NARF: variants seen among roughly 807,000 people sequenced by gnomAD.
The protein encoded by NARF is iron-only hydrogenase-like protein 2.
In NARF, 41 loss-of-function variants were observed where a neutral mutation model predicts 48.0. The observed-to-expected ratio is 0.85, with a 90% CI of 0.66 to 1.11. The LOEUF (loss-of-function observed/expected upper bound fraction) is 1.11. Ranked by LOEUF, NARF falls within the 50% of genes least tolerant of loss-of-function variation. NARF has a pLI of 0.00. For synonymous variants in NARF, 215 were observed against 225.5 expected (o/e 0.95, Z 0.42); for missense variants, 613 against 590.2 (o/e 1.04, Z -0.40).
intron 4 of NARF, among the ~76,000 whole-genome samples, chr17:82,469,532 G>A (rs75334929): frequency 0.015 from 2,262 of 152,202 alleles, 65 homozygotes; most frequent in African/African-American, 0.052. Context: ...ATAGCATGAT[G>A]GTCAGTGTGC....
At chr17:82,481,765 A>T (rs2043970504) in intron 7 of NARF, 3 of 432,928 alleles carry the variant, frequency 6.9e-6, no homozygotes, top group Non-Finnish European at 1.4e-5. Flanking sequence ...AGGTCCTGGG[A>T]GAACCACTTG....
intron 1 of NARF, chr17:82,459,220 C>G: frequency 6.9e-6 from 7 of 1,018,842 alleles, no homozygotes; most frequent in Non-Finnish European, 8.2e-6. Flanking sequence ...GCAGCCGGTG[C>G]AGGGGCGGAA....
upstream of NARF, chr17:82,458,531 C>T: frequency 2.5e-6 from 1 of 404,678 alleles, no homozygotes; most frequent in Non-Finnish European, 4.3e-6. Flanking sequence ...AGCCTGCGGT[C>T]CGCCCCGCGC....
At chr17:82,482,524 A>G (rs1304947411) in intron 7 of NARF, 2 of 133,386 alleles carry the variant, frequency 1.5e-5, no homozygotes, top group South Asian at 1.8e-4. Flanking sequence ...GTTTCCAGCC[A>G]TCTCACAGCA....
intron 2 of NARF, chr17:82,463,897 A>G (rs1045264644): frequency 2.3e-5 from 4 of 172,090 alleles, no homozygotes; most frequent in African/African-American, 4.8e-5. Context: ...GAGGGGGCAC[A>G]GAGCTAGAGG....
intron 10 of NARF, among the ~76,000 whole-genome samples, chr17:82,486,710 G>A (rs185862460): frequency 2.0e-5 from 3 of 152,288 alleles, no homozygotes; most frequent in Admixed American, 2.0e-4. Flanking sequence ...GCTGGGGCCT[G>A]AGGAAGGAGA....
Position 82,489,027 on chromosome 17 carries a change from T to TA in NARF, c.*872dup, listed in dbSNP as rs2044154639. 1 of 152,718 alleles carries TA rather than the reference T, an allele frequency of 6.5e-6. No individual in the cohort carries two copies. The highest frequency in any genetic ancestry group is 1.5e-5 in the Non-Finnish European group (1 of 68,284). 9.5% of individuals were successfully genotyped at this position (152,718 alleles called of 1,614,324 possible). A position where few individuals can be genotyped will look rare whatever the true frequency, so the allele number is the denominator to read the frequency against. ...GAAAATGTTTTTGCCAGAACATTAA[T>TA]AACTGTCAGCCTTTTAGAATCAGGA... is the stretch of plus-strand genomic sequence containing the variant. On this transcript the variant is annotated 3_prime_UTR_variant, in exon 11 of 11. Transcript: ENST00000309794.
At chr17:82,471,510 T>A (rs550950436) in intron 4 of NARF, among the ~76,000 whole-genome samples, 1 of 145,902 alleles carries the variant, frequency 6.9e-6, no homozygotes, top group East Asian at 2.1e-4. Flanking sequence ...AAGTATGCCC[T>A]TGCCGGGCGC....
intron 6 of NARF, chr17:82,479,153 G>A (rs963992255): frequency 5.8e-5 from 22 of 380,144 alleles, no homozygotes; most frequent in Middle Eastern, 7.6e-4. Flanking sequence ...TGTGGCATCT[G>A]GTGGTTTTCC....
In NARF at chr17:82,488,187, G is replaced by C; in HGVS notation, c.*30G>C. 6.2e-7 allele frequency: 1 copy of C among 1,606,082 alleles called. No homozygotes were observed. On this transcript the variant is annotated 3_prime_UTR_variant, in exon 11 of 11. Transcript: ENST00000309794. Reference sequence around the variant, plus strand: ...AGGCCAGGGCCTTCCAGCTGCTCTTGGGGCCAGAGCCAAGAGCCTCTCAGT... The same window carrying C: ...AGGCCAGGGCCTTCCAGCTGCTCTTCGGGCCAGAGCCAAGAGCCTCTCAGT...
chr17:82,475,466 G>T (rs759826800), intron 5 of NARF, among the ~76,000 whole-genome samples: 1 of 152,062 alleles, frequency 6.6e-6, no homozygotes, highest in Non-Finnish European at 1.5e-5. Flanking sequence ...CAGGTGTGGC[G>T]GGCACCTGTA....
At chr17:82,472,726 G>A (rs1182779382) in intron 5 of NARF, 28 bp downstream of exon 5, 2 of 1,594,706 alleles carry the variant, frequency 1.3e-6, no homozygotes, top group Non-Finnish European at 1.7e-6. Context: ...CGCTCTGTTG[G>A]CCTGAGGTGC....
At chr17:82,467,836 A>G (rs546041663) in intron 3 of NARF, among the ~76,000 whole-genome samples, 1 of 152,044 alleles carries the variant, frequency 6.6e-6, no homozygotes, top group Admixed American at 6.6e-5. Flanking sequence ...ATCTCTGGAT[A>G]CCATTTTAGT....
upstream of NARF, chr17:82,458,736 G>A: frequency 6.8e-7 from 1 of 1,462,670 alleles, no homozygotes; most frequent in Non-Finnish European, 9.0e-7. Flanking sequence ...GCGGCGGGCA[G>A]TGGTGTCCCA....
rs1229241921 is a variant in NARF at position 82,478,825 on chromosome 17, G to C, written c.546G>C (p.Val182=). 1 of 1,613,906 alleles carries C rather than the reference G, an allele frequency of 6.2e-7. No individual in the cohort carries two copies. The highest frequency in any genetic ancestry group is 8.5e-7 in the Non-Finnish European group (1 of 1,179,958). The change falls in exon 6 of 11, where the codon GTG becomes GTC. Residue 182 remains valine, a synonymous_variant. Transcript: ENST00000309794. ...GCTGGGTCCGATACGCCGAGCGGGTGCTGGGTCGCCCCATCACTGCCCACC... is the reference window on the plus strand; with the variant it reads ...GCTGGGTCCGATACGCCGAGCGGGTCCTGGGTCGCCCCATCACTGCCCACC... ...CPGWVRYAER[V]LGRPITAHLC...
Position 82,464,283 on chromosome 17 carries a change from A to T in NARF, c.109-4A>T. ...TAATCATGCTGAAACGTCATCTTTC[A>T]TAGAAGGGAGAATTCCACAAGTTGG... On this transcript the variant is annotated splice_region_variant and splice_polypyrimidine_tract_variant and intron_variant, in intron 2 of 10. Transcript: ENST00000309794. The T allele has an allele frequency of 1.2e-6, 2 of 1,612,046 alleles. No homozygotes were observed. Among genetic ancestry groups the T allele is most frequent in the African/African-American group, 1.3e-5 (1 of 74,940 alleles).
chr17:82,484,766 T>C (rs2044055884), intron 8 of NARF, 47 bp from the exon 9 acceptor site: 2 of 1,533,100 alleles, frequency 1.3e-6, no homozygotes, highest in Non-Finnish European at 8.8e-7. Context: ...TTTCTGTCAC[T>C]GTACGTCAGC....
chr17:82,460,674 GAA>G (rs2043415127), intron 2 of NARF: 1 of 152,272 alleles, frequency 6.6e-6, no homozygotes, highest in Non-Finnish European at 1.5e-5. Flanking sequence ...TGAGCCAGGA[GAA>G]AGGCGTGAAC....
Position 82,478,931 on chromosome 17 carries a change from C to T in NARF, c.639+13C>T. On this transcript the variant is annotated intron_variant, in intron 6 of 10. Coordinates refer to ENST00000309794, the MANE Select transcript of NARF (RefSeq NM_012336.4). The stretch of plus-strand genomic sequence containing the variant: ...CGCCAGACAGCAGGTAAGCTGACCT[C>T]TCTGGAGGGCAGGAAGGGCAGGTGA... 6.2e-7 allele frequency: 1 copy of T among 1,609,450 alleles called. No homozygotes were observed. The highest frequency in any genetic ancestry group is 8.5e-7 in the Non-Finnish European group (1 of 1,176,868).
Sources: gnomAD v4.1 joint callset for allele counts (sites outside exome capture counted in the v4.1 genomes callset) on GRCh38, gnomAD v4.1.1 for gene constraint, MANE v1.5 for transcripts, NCBI Gene and HGNC (gene_info 2026-07-23, HGNC 2026-07-21) for gene names.